Variants in CCSER2 observed in about 807,000 individuals in gnomAD.
CCSER2 encodes the protein serine-rich coiled-coil domain-containing protein 2.
Under a neutral mutation model 92.3 loss-of-function variants are expected in CCSER2, and 46 were observed. The ratio of observed to expected loss-of-function variants is 0.50; its 90% confidence interval spans 0.39 to 0.64. CCSER2 has a LOEUF of 0.64. CCSER2 is among the 30% of genes least tolerant of loss of function. CCSER2 has a pLI of 0.00. For synonymous variants in CCSER2, 433 were observed against 431.4 expected, an observed-to-expected ratio of 1.00 and a Z score of -0.04; for missense variants, 1,244 against 1,238.9, an observed-to-expected ratio of 1.00 and a Z score of -0.06.
chr10:84,463,956 T>G lies in CCSER2; in HGVS notation c.2088T>G (p.His696Gln). 6.2e-7 allele frequency: 1 copy of G among 1,610,774 alleles called. No individual in the cohort carries two copies. The highest frequency in any genetic ancestry group is 8.5e-7 in the Non-Finnish European group (1 of 1,177,272). Residue 696 changes from histidine (H) to glutamine (Q), a missense_variant, in exon 7 of 10, where the codon CAT becomes CAG. Physicochemically the swap from His to Gln is conservative, Grantham distance 24. Transcript: ENST00000372088. ...AGCATGATGGAAGTGGTTCATTGCA[T>G]GATATTCAACTGTCATTGCCATCCA... The part of the protein sequence containing the change: ...LHQHDGSGSL[H>Q]DIQLSLPSSP...
In CCSER2 at chr10:84,501,716, C is replaced by CT. The variant is rs1197428780; in HGVS notation, c.2326-11719dup. On this transcript the variant is annotated intron_variant, in intron 9 of 9. Transcript: ENST00000372088. ...ATTCCTACAATACTAGTAAGACCTGCTTTTTTTTTTTTTTAAACCTTTCTA... is the reference window on the plus strand; with the variant it reads ...ATTCCTACAATACTAGTAAGACCTGCTTTTTTTTTTTTTTTAAACCTTTCTA... 2.9e-3 allele frequency among the ~76,000 whole-genome samples: 353 copies of CT among 120,618 alleles called. 5 individuals carry two copies. The highest frequency in any genetic ancestry group is 2.4e-3 in the East Asian group (10 of 4,182). 79.1% of individuals were successfully genotyped at this position (120,618 alleles called of 152,430 possible). A position where few individuals can be genotyped will look rare whatever the true frequency, so the allele number is the denominator to read the frequency against.
In CCSER2 at chr10:84,438,582, C is replaced by T; in HGVS notation, c.1939C>T (p.Gln647Ter). The T allele has an allele frequency of 6.2e-7, 1 of 1,613,544 alleles. No homozygotes were observed. Among genetic ancestry groups the T allele is most frequent in the Non-Finnish European group, 8.5e-7 (1 of 1,179,580 alleles). The change falls in exon 6 of 10, where the codon CAG (glutamine) becomes TAG (stop). Residue 647 changes from glutamine (Q) to a stop codon, truncating the protein, a stop_gained. Transcript: ENST00000372088. LOFTEE classifies it high-confidence loss of function. ...TGGAGGGATGCCCTTTTTCCAGGCTCAGAAGATGTTTGTTGATGTACCAGA... is the reference window on the plus strand; with the variant it reads ...TGGAGGGATGCCCTTTTTCCAGGCTTAGAAGATGTTTGTTGATGTACCAGA... The part of the protein sequence containing the change: ...SYGGMPFFQA[Q>*]KMFVDVPENT...
chr10:84,357,013 C>T (rs189320678), intron 1 of CCSER2, among the ~76,000 whole-genome samples: 94 of 152,272 alleles, frequency 6.2e-4, no homozygotes, highest in African/African-American at 2.3e-3. Context: ...CAGCCTATGT[C>T]TTAGGGCTTG....
intron 6 of CCSER2, among the ~76,000 whole-genome samples, chr10:84,440,887 CCG>C (rs1207286729): frequency 4.6e-5 from 7 of 152,180 alleles, no homozygotes; most frequent in African/African-American, 1.7e-4. Flanking sequence ...TCTTATTTAG[CCG>C]TTGAACAGTC....
intron 6 of CCSER2, among the ~76,000 whole-genome samples, chr10:84,458,870 C>T (rs535864844): frequency 1.3e-5 from 2 of 150,982 alleles, no homozygotes; most frequent in African/African-American, 4.9e-5. Flanking sequence ...GATTTTTTTC[C>T]CTTGTCTTTT....
At chr10:84,419,338 A>G (rs1843023009) in intron 4 of CCSER2, among the ~76,000 whole-genome samples, 1 of 146,038 alleles carries the variant, frequency 6.8e-6, no homozygotes, top group African/African-American at 2.5e-5. Flanking sequence ...AAATTAAAAT[A>G]AAACCAGCTC....
intron 7 of CCSER2, among the ~76,000 whole-genome samples, chr10:84,465,004 T>C (rs1312865783): frequency 6.6e-6 from 1 of 152,174 alleles, no homozygotes; most frequent in African/African-American, 2.4e-5. Context: ...TTCTCTCATC[T>C]TGGCTTTTCA....
chr10:84,373,513 TGAGCCAGC>T, intron 2 of CCSER2, 98 bp from the exon 3 acceptor site: 1 of 848,418 alleles, frequency 1.2e-6, no homozygotes, highest in Non-Finnish European at 1.8e-6. Context: ...GTGCTTTTTT[TGAGCCAGC>T]TTTTTTGCTA....
intron 1 of CCSER2, among the ~76,000 whole-genome samples, chr10:84,366,837 A>G (rs185096786): frequency 3.3e-5 from 5 of 152,324 alleles, no homozygotes; most frequent in African/African-American, 9.6e-5. Context: ...TTAAGAAGAT[A>G]ACTGCTGACA....
intron 2 of CCSER2, among the ~76,000 whole-genome samples, chr10:84,373,247 C>A (rs1231375592): frequency 6.6e-6 from 1 of 151,966 alleles, no homozygotes; most frequent in African/African-American, 2.4e-5. Flanking sequence ...TTATGAGTAC[C>A]CTACATTATT....
intron 9 of CCSER2, among the ~76,000 whole-genome samples, chr10:84,487,501 A>C (rs999266039): frequency 6.6e-6 from 1 of 152,070 alleles, no homozygotes; most frequent in Non-Finnish European, 1.5e-5. Context: ...ATTCTCTTTG[A>C]AGCAATTGTG....
chr10:84,423,571 G>C (rs181277976), intron 4 of CCSER2, among the ~76,000 whole-genome samples: 6 of 152,216 alleles, frequency 3.9e-5, no homozygotes, highest in Non-Finnish European at 7.4e-5. Flanking sequence ...CCTCTGTGTG[G>C]ACTACTGTGT....
chr10:84,386,044 C>T (rs1355480301), intron 3 of CCSER2, among the ~76,000 whole-genome samples: 2 of 151,970 alleles, frequency 1.3e-5, no homozygotes, highest in Non-Finnish European at 1.5e-5. Flanking sequence ...TACCTCACAC[C>T]AGTCAGAATG....
At chr10:84,440,992 A>C (rs1283685983) in intron 6 of CCSER2, among the ~76,000 whole-genome samples, 21 of 152,214 alleles carry the variant, frequency 1.4e-4, no homozygotes, top group Admixed American at 1.4e-3. Flanking sequence ...GCAGTTTCAC[A>C]GTAATGTCCT....
chr10:84,436,096 G>C (rs1212850536), intron 5 of CCSER2, among the ~76,000 whole-genome samples: 1 of 152,062 alleles, frequency 6.6e-6, no homozygotes, highest in Non-Finnish European at 1.5e-5. Context: ...TTGGGAGGGC[G>C]AGGCGGGCGA....
intron 1 of CCSER2, among the ~76,000 whole-genome samples, chr10:84,336,241 A>G (rs1274372509): frequency 6.6e-6 from 1 of 152,162 alleles, no homozygotes; most frequent in Non-Finnish European, 1.5e-5. Flanking sequence ...GATTTTTCTC[A>G]TTCATTCATT....
chr10:84,447,914 CT>C (rs1845027347), intron 6 of CCSER2, among the ~76,000 whole-genome samples: 1 of 152,160 alleles, frequency 6.6e-6, no homozygotes, highest in Non-Finnish European at 1.5e-5. Flanking sequence ...TCAACCGATC[CT>C]CCCAAGTAGC....
At chr10:84,433,183 G>A (rs182906201) in intron 5 of CCSER2, among the ~76,000 whole-genome samples, 173 of 152,028 alleles carry the variant, frequency 1.1e-3, no homozygotes, top group Non-Finnish European at 2.1e-3. Flanking sequence ...ATATTGTTTC[G>A]GATATTTTGG....
At chr10:84,513,337 A>G (rs1221220829) in intron 9 of CCSER2, 112 bp from the exon 10 acceptor site, 2 of 795,148 alleles carry the variant, frequency 2.5e-6, no homozygotes, top group East Asian at 2.6e-5. Flanking sequence ...AACTCCACAT[A>G]TTTTCCATAT....
Sources: allele counts gnomAD v4.1 joint callset (sites outside exome capture counted in the v4.1 genomes callset), GRCh38; gene constraint gnomAD v4.1.1; transcripts MANE v1.5; gene names NCBI Gene and HGNC (gene_info 2026-07-23, HGNC 2026-07-21).